Variants in UST observed in about 807,000 individuals in gnomAD.
The protein encoded by UST is chondroitin sulfate 2-O-sulfotransferase.
A neutral mutation model predicts 45.6 loss-of-function variants in UST; 21 were observed. That is an observed-to-expected ratio of 0.46 (90% CI 0.33 to 0.66). The LOEUF is 0.66. Among genes scored for constraint, UST ranks in the 30% least tolerant of loss-of-function variants. UST has a pLI of 0.02. For missense variants in UST, 463 were observed against 512.4 expected (o/e 0.90, Z 0.93); for synonymous variants, 215 against 200.6 (o/e 1.07, Z -0.61).
At chr6:149,002,108 T>C (rs1781561456) in intron 5 of UST, among the ~76,000 whole-genome samples, 1 of 152,158 alleles carries the variant, frequency 6.6e-6, no homozygotes, top group African/African-American at 2.4e-5. Flanking sequence ...ATTTTTATTT[T>C]CTTAAATTGT....
At chr6:149,026,131 G>A (rs1776046307) in intron 7 of UST, among the ~76,000 whole-genome samples, 2 of 147,378 alleles carry the variant, frequency 1.4e-5, no homozygotes, top group South Asian at 4.3e-4. Context: ...CTAGGTGACA[G>A]TGTGAGACTC....
chr6:148,747,281 C>A lies in UST; in HGVS notation c.-150C>A. ...ACCATGCCGAAGAAAGTCTCCTGAG[C>A]CCGGCAACTTCGGCCCCTCCCCGCC... On this transcript the variant is annotated 5_prime_UTR_variant, in exon 1 of 8. Transcript: ENST00000367463. The A allele has an allele frequency of 3.2e-6, 3 of 936,678 alleles. No individual in the cohort carries two copies. The highest frequency in any genetic ancestry group is 4.3e-6 in the Non-Finnish European group (3 of 705,340). 58.0% of individuals were successfully genotyped at this position (936,678 alleles called of 1,614,324 possible).
intron 1 of UST, among the ~76,000 whole-genome samples, chr6:148,812,598 C>T (rs988967878): frequency 2.0e-5 from 3 of 152,184 alleles, no homozygotes; most frequent in South Asian, 2.1e-4. Flanking sequence ...CCCAACTTCA[C>T]TCACATGGCA....
chr6:148,747,329 G>C lies in UST; in HGVS notation c.-102G>C. On this transcript the variant is annotated 5_prime_UTR_variant, in exon 1 of 8. Coordinates refer to ENST00000367463, the MANE Select transcript of UST (RefSeq NM_005715.3). Reference sequence around the variant, plus strand: ...GCCCCCACCCGGCTGCCCTCCGCGCGGCCCTCCCCATGTGCAGCCGGCCAG... The same window carrying C: ...GCCCCCACCCGGCTGCCCTCCGCGCCGCCCTCCCCATGTGCAGCCGGCCAG... The C allele has an allele frequency of 7.7e-7, 1 of 1,297,890 alleles. No individual in the cohort carries two copies. Among genetic ancestry groups the C allele is most frequent in the Non-Finnish European group, 9.9e-7 (1 of 1,013,610 alleles). 80.4% of individuals were successfully genotyped at this position (1,297,890 alleles called of 1,614,324 possible). A position where few individuals can be genotyped will look rare whatever the true frequency, so the allele number is the denominator to read the frequency against.
intron 2 of UST, among the ~76,000 whole-genome samples, chr6:148,898,285 A>G (rs1779175300): frequency 1.3e-5 from 2 of 152,324 alleles, no homozygotes; most frequent in Admixed American, 1.3e-4. Context: ...TTAAATAATT[A>G]TAAGAGCTTC....
intron 1 of UST, among the ~76,000 whole-genome samples, chr6:148,772,335 G>T (rs1021526284): frequency 6.6e-6 from 1 of 152,120 alleles, no homozygotes; most frequent in East Asian, 1.9e-4. Context: ...GGAGCCAGGC[G>T]ATGTGCTGGT....
chr6:149,019,642 A>G (rs190233998), intron 6 of UST, among the ~76,000 whole-genome samples: 59 of 152,334 alleles, frequency 3.9e-4, no homozygotes, highest in Middle Eastern at 3.4e-3. Context: ...TTAACCAACA[A>G]CCTGCCCTCG....
intron 5 of UST, among the ~76,000 whole-genome samples, chr6:149,018,385 A>T (rs765836123): frequency 3.3e-5 from 5 of 152,140 alleles, no homozygotes; most frequent in Non-Finnish European, 7.4e-5. Context: ...TTATTTGTAG[A>T]TTGAGTTATC....
intron 1 of UST, among the ~76,000 whole-genome samples, chr6:148,773,100 G>A (rs1776463573): frequency 6.6e-6 from 1 of 152,132 alleles, no homozygotes; most frequent in Non-Finnish European, 1.5e-5. Flanking sequence ...ATTATAAAGT[G>A]CATTACAATT....
chr6:148,867,734 T>G (rs1005801054), intron 1 of UST, among the ~76,000 whole-genome samples: 4 of 152,366 alleles, frequency 2.6e-5, no homozygotes, highest in Admixed American at 6.5e-5. Context: ...CACGTGGAAC[T>G]GTGAGTCTAT....
At chr6:148,809,608 G>A (rs1324841325) in intron 1 of UST, among the ~76,000 whole-genome samples, 1 of 152,212 alleles carries the variant, frequency 6.6e-6, no homozygotes, top group Non-Finnish European at 1.5e-5. Flanking sequence ...GAAAGTAGAA[G>A]CTAGGAGCTA....
At chr6:148,993,956 CT>C (rs57552256) in intron 5 of UST, among the ~76,000 whole-genome samples, 8 of 95,364 alleles carry the variant, frequency 8.4e-5, no homozygotes, top group East Asian at 3.2e-4. Context: ...TATTTCTTTC[CT>C]TTTTTTTTTT....
intron 7 of UST, among the ~76,000 whole-genome samples, chr6:149,025,098 A>G (rs997572066): frequency 1.6e-4 from 24 of 152,222 alleles, no homozygotes; most frequent in Non-Finnish European, 1.5e-5. Context: ...TCTGTTAGTC[A>G]TATGGGTTGT....
At chr6:148,914,576 A>C (rs1779544837) in intron 2 of UST, among the ~76,000 whole-genome samples, 1 of 152,164 alleles carries the variant, frequency 6.6e-6, no homozygotes, top group African/African-American at 2.4e-5. Flanking sequence ...TGTCCTCCCA[A>C]AATTCGTATA....
At position 148,886,699 on chromosome 6, in the gene UST, A is replaced by C. The variant is rs138146563; in HGVS notation, c.248-287A>C. ...AGTACCAATGGTCTAAGCTAAACTC[A>C]GCAGATAATGGGTGAGAATAATGGT... On this transcript the variant is annotated intron_variant, in intron 1 of 7. Transcript: ENST00000367463. 3.9e-3 allele frequency among the ~76,000 whole-genome samples: 591 copies of C among 152,312 alleles called. 4 individuals carry two copies. The highest frequency in any genetic ancestry group is 0.013 in the African/African-American group (547 of 41,560).
intron 2 of UST, among the ~76,000 whole-genome samples, chr6:148,918,264 A>G (rs1779627573): frequency 6.6e-6 from 1 of 152,220 alleles, no homozygotes; most frequent in Non-Finnish European, 1.5e-5. Flanking sequence ...TTAAGATACC[A>G]TTTCCATGTA....
chr6:148,943,318 C>A (rs1780165913), intron 3 of UST, among the ~76,000 whole-genome samples: 1 of 152,026 alleles, frequency 6.6e-6, no homozygotes, highest in South Asian at 2.1e-4. Flanking sequence ...CTGCAGAGAG[C>A]AGGACAAAAG....
At chr6:149,060,051 G>T (rs1776630388) in intron 7 of UST, among the ~76,000 whole-genome samples, 1 of 152,152 alleles carries the variant, frequency 6.6e-6, no homozygotes, top group Non-Finnish European at 1.5e-5. Flanking sequence ...AGCAAAGTGT[G>T]TGCATTAGAA....
In UST at chr6:148,995,983, T is replaced by C. The variant is rs113742177; in HGVS notation, c.682-23156T>C. Among the ~76,000 whole-genome samples the C allele has an allele frequency of 2.1e-3, 312 of 152,046 alleles. 1 individual carries two copies. The highest frequency in any genetic ancestry group is 7.2e-3 in the African/African-American group (298 of 41,450). On this transcript the variant is annotated intron_variant, in intron 5 of 7. Coordinates refer to ENST00000367463, the MANE Select transcript of UST (RefSeq NM_005715.3). Reference sequence around the variant, plus strand: ...TCTGGAGCCTGTATTCAGCAGGGGGTGGGGGCAGAGTGGGGACAGACTGCA... The same window carrying C: ...TCTGGAGCCTGTATTCAGCAGGGGGCGGGGGCAGAGTGGGGACAGACTGCA...
Sources: allele counts gnomAD v4.1 joint callset (sites outside exome capture counted in the v4.1 genomes callset), GRCh38; gene constraint gnomAD v4.1.1; transcripts MANE v1.5; gene names NCBI Gene and HGNC (gene_info 2026-07-23, HGNC 2026-07-21).